The following NKAIN2 variants were observed in gnomAD, a reference collection of about 807,000 sequenced individuals.
NKAIN2 encodes the protein sodium/potassium-transporting ATPase subunit beta-1-interacting protein 2.
In NKAIN2, 14 loss-of-function variants were observed where a neutral mutation model predicts 32.6. That is an observed-to-expected ratio of 0.43 (90% CI 0.28 to 0.67). The LOEUF is 0.67. Ranked by LOEUF, NKAIN2 falls within the 30% of genes least tolerant of loss-of-function variation. The probability of loss-of-function intolerance (pLI) is 0.17; values close to 1 mark genes in which losing one functional copy is unlikely to be tolerated. For synonymous variants in NKAIN2, 80 were observed against 87.2 expected (o/e 0.92, Z 0.46); for missense variants, 198 against 258.3 (o/e 0.77, Z 1.60).
chr6:124,712,110 G>A (rs1051463543), intron 4 of NKAIN2, among the ~76,000 whole-genome samples: 1 of 151,640 alleles, frequency 6.6e-6, no homozygotes, highest in Non-Finnish European at 1.5e-5. Context: ...GCTGGGGGGT[G>A]CCTCCCAGTT....
At chr6:124,242,495 A>G (rs2114776894) in intron 1 of NKAIN2, among the ~76,000 whole-genome samples, 1 of 152,282 alleles carries the variant, frequency 6.6e-6, no homozygotes, top group South Asian at 2.1e-4. Context: ...GTGATTCCTC[A>G]AGGATCCAGA....
chr6:124,545,258 A>G (rs749005717), intron 3 of NKAIN2, among the ~76,000 whole-genome samples: 8 of 152,194 alleles, frequency 5.3e-5, no homozygotes, highest in Non-Finnish European at 1.0e-4. Flanking sequence ...TGACTTGAAA[A>G]TAATATCAAA....
intron 1 of NKAIN2, among the ~76,000 whole-genome samples, chr6:123,858,485 G>A (rs1399391519): frequency 1.3e-5 from 2 of 151,972 alleles, no homozygotes; most frequent in African/African-American, 4.8e-5. Context: ...GACTATATAG[G>A]GGAAAAATAA....
At chr6:123,854,313 T>C (rs1308336319) in intron 1 of NKAIN2, among the ~76,000 whole-genome samples, 3 of 152,156 alleles carry the variant, frequency 2.0e-5, no homozygotes, top group South Asian at 2.1e-4. Context: ...AAAAGACATT[T>C]TAATTTTTAA....
intron 1 of NKAIN2, among the ~76,000 whole-genome samples, chr6:123,901,887 C>G (rs992039129): frequency 1.3e-5 from 2 of 151,694 alleles, no homozygotes; most frequent in Non-Finnish European, 2.9e-5. Flanking sequence ...CTTCTTTACC[C>G]TGAGACATGA....
intron 3 of NKAIN2, among the ~76,000 whole-genome samples, chr6:124,411,823 C>A (rs1260686454): frequency 1.3e-5 from 2 of 152,236 alleles, no homozygotes; most frequent in Non-Finnish European, 2.9e-5. Flanking sequence ...GTACACCAAT[C>A]AGACATGGAT....
chr6:124,169,990 C>T (rs1788765909), intron 1 of NKAIN2, among the ~76,000 whole-genome samples: 1 of 152,062 alleles, frequency 6.6e-6, no homozygotes, highest in Admixed American at 6.6e-5. Context: ...AAGAGTGTTT[C>T]CTTCCCAACA....
chr6:124,647,971 T>C (rs1784240101), intron 3 of NKAIN2, among the ~76,000 whole-genome samples: 1 of 152,190 alleles, frequency 6.6e-6, no homozygotes, highest in Non-Finnish European at 1.5e-5. Context: ...CCAATACTTG[T>C]TAAGAATGGC....
At chr6:124,307,311 T>C (rs924538159) in intron 2 of NKAIN2, among the ~76,000 whole-genome samples, 1 of 152,166 alleles carries the variant, frequency 6.6e-6, no homozygotes, top group African/African-American at 2.4e-5. Context: ...ATAAAATTTC[T>C]TGAACAACAT....
chr6:124,254,634 T>A (rs1353528956), intron 1 of NKAIN2, among the ~76,000 whole-genome samples: 2 of 152,180 alleles, frequency 1.3e-5, no homozygotes, highest in Non-Finnish European at 2.9e-5. Flanking sequence ...GAAATCCTAC[T>A]TGAAGGACTT....
intron 1 of NKAIN2, among the ~76,000 whole-genome samples, chr6:124,188,152 G>C (rs1484670059): frequency 6.6e-6 from 1 of 152,136 alleles, no homozygotes; most frequent in African/African-American, 2.4e-5. Flanking sequence ...TTTAAACCTA[G>C]TGATTCTACA....
intron 1 of NKAIN2, among the ~76,000 whole-genome samples, chr6:124,154,218 G>A (rs554256332): frequency 5.9e-5 from 9 of 151,808 alleles, no homozygotes; most frequent in Non-Finnish European, 1.3e-4. Context: ...GTTATACGAA[G>A]TATAAAATGT....
intron 1 of NKAIN2, among the ~76,000 whole-genome samples, chr6:124,119,574 G>A (rs566557379): frequency 6.6e-6 from 1 of 152,260 alleles, no homozygotes; most frequent in African/African-American, 2.4e-5. Flanking sequence ...ATATGGGACT[G>A]TATCTAACTC....
At chr6:124,085,496 C>T (rs1287727789) in intron 1 of NKAIN2, among the ~76,000 whole-genome samples, 1 of 151,112 alleles carries the variant, frequency 6.6e-6, no homozygotes, top group Non-Finnish European at 1.5e-5. Flanking sequence ...TAGACTTCGG[C>T]TCAAATCCCA....
At chr6:124,606,986 T>G (rs1348046518) in intron 3 of NKAIN2, among the ~76,000 whole-genome samples, 1 of 152,142 alleles carries the variant, frequency 6.6e-6, no homozygotes, top group East Asian at 1.9e-4. Flanking sequence ...TCAATGTGAG[T>G]AAAGATGAAC....
At chr6:124,196,671 C>T (rs886853435) in intron 1 of NKAIN2, among the ~76,000 whole-genome samples, 3 of 152,022 alleles carry the variant, frequency 2.0e-5, no homozygotes, top group Admixed American at 1.3e-4. Flanking sequence ...TTTTCACAGT[C>T]CATCCTCACA....
intron 4 of NKAIN2, among the ~76,000 whole-genome samples, chr6:124,769,813 C>T (rs1313454185): frequency 6.6e-6 from 1 of 152,154 alleles, no homozygotes. Flanking sequence ...ACCCTTAATC[C>T]TAAACCTAAC....
chr6:123,879,696 C>T (rs1454524225), intron 1 of NKAIN2, among the ~76,000 whole-genome samples: 1 of 152,226 alleles, frequency 6.6e-6, no homozygotes, highest in East Asian at 1.9e-4. Flanking sequence ...ACCAGAGTGA[C>T]TGGCAACCCT....
Position 124,510,824 on chromosome 6 carries a change from A to G in NKAIN2, c.274-147362A>G, listed in dbSNP as rs2114772502. On this transcript the variant is annotated intron_variant, in intron 3 of 6. Transcript: ENST00000368417. ...AACAATTCTATTTTTACTCACATGT[A>G]GAAAATATATCAGGTAATAACTTCC... Among the ~76,000 whole-genome samples the G allele has an allele frequency of 2.6e-5, 4 of 152,344 alleles. No homozygotes were observed. In the East Asian group the frequency reaches 7.7e-4, roughly 29 times the overall value.
Sources: gnomAD v4.1 joint callset for allele counts (sites outside exome capture counted in the v4.1 genomes callset) on GRCh38, gnomAD v4.1.1 for gene constraint, MANE v1.5 for transcripts, NCBI Gene and HGNC (gene_info 2026-07-23, HGNC 2026-07-21) for gene names.